SMOC2: variants seen among roughly 807,000 people sequenced by gnomAD.
The protein encoded by SMOC2 is SPARC related modular calcium binding 2.
SMOC2 carries 39 observed loss-of-function variants against 61.4 expected under a neutral mutation model. That is an observed-to-expected ratio of 0.64 (90% CI 0.49 to 0.83). The LOEUF (loss-of-function observed/expected upper bound fraction) is 0.83, where lower values mean the gene tolerates loss of function less well. Ranked by LOEUF, SMOC2 falls within the 40% of genes least tolerant of loss-of-function variation. The pLI, the probability that SMOC2 is intolerant of heterozygous loss-of-function variation, is 0.00. For missense variants in SMOC2, 556 were observed against 592.9 expected (o/e 0.94, Z 0.65); for synonymous variants, 247 against 239.9 (o/e 1.03, Z -0.27).
At chr6:168,658,089 G>T (rs9346474) in intron 11 of SMOC2, among the ~76,000 whole-genome samples, 14,596 of 152,202 alleles carry the variant, frequency 0.096, 1,116 homozygotes, top group East Asian at 0.42. Flanking sequence ...GGGAGGCCTG[G>T]GGGACTGATG....
chr6:168,483,135 T>G (rs1388034467), intron 1 of SMOC2, among the ~76,000 whole-genome samples: 1 of 151,962 alleles, frequency 6.6e-6, no homozygotes, highest in Non-Finnish European at 1.5e-5. Flanking sequence ...TATCTCTGTT[T>G]ACAGATGATA....
intron 4 of SMOC2, among the ~76,000 whole-genome samples, chr6:168,528,181 T>A (rs1297519784): frequency 2.0e-5 from 3 of 152,242 alleles, no homozygotes; most frequent in Non-Finnish European, 4.4e-5. Context: ...TTTATGTTAT[T>A]TTATTACTCG....
rs907641401 is a variant in SMOC2 at position 168,475,668 on chromosome 6, C to T, written c.84+34214C>T. Among the ~76,000 whole-genome samples, 11 of 152,112 alleles carry T rather than the reference C, an allele frequency of 7.2e-5. No individual in the cohort carries two copies. The highest frequency in any genetic ancestry group is 1.3e-4 in the Admixed American group (2 of 15,278). ...GACGAGAACTGAGACCTGCTTCCCACGCGTCTGTGGCCCAGGGAGGCCACG... is the reference window on the plus strand; with the variant it reads ...GACGAGAACTGAGACCTGCTTCCCATGCGTCTGTGGCCCAGGGAGGCCACG... On this transcript the variant is annotated intron_variant, in intron 1 of 12. Coordinates refer to ENST00000356284, the MANE Select transcript of SMOC2 (RefSeq NM_001166412.2). This position sits in a 1 kb window ranked among gnomAD's most constrained non-coding sequence, Gnocchi z 4.6.
chr6:168,626,069 T>G (rs1327966475), intron 9 of SMOC2, among the ~76,000 whole-genome samples: 1 of 152,220 alleles, frequency 6.6e-6, no homozygotes, highest in African/African-American at 2.4e-5. Flanking sequence ...CCTCAGTCAC[T>G]GGAGAAATTA....
rs142700770 is a variant in SMOC2 at position 168,559,147 on chromosome 6, C to T, written c.637+9944C>T. Among the ~76,000 whole-genome samples the T allele has an allele frequency of 3.3e-3, 509 of 152,212 alleles. 8 individuals are homozygous for T. Among genetic ancestry groups the T allele is most frequent in the African/African-American group, 0.012 (481 of 41,540 alleles). On this transcript the variant is annotated intron_variant, in intron 7 of 12. Coordinates refer to ENST00000356284, the MANE Select transcript of SMOC2 (RefSeq NM_001166412.2). ...AACTGAGTGAAATATCTCTTTTTGC[C>T]ATTCACACTTAAGAATAGTAATTTA...
At chr6:168,518,579 A>G (rs1360352801) in intron 2 of SMOC2, among the ~76,000 whole-genome samples, 1 of 142,166 alleles carries the variant, frequency 7.0e-6, no homozygotes, top group African/African-American at 2.7e-5. Context: ...GTGACAATGC[A>G]TGTATGTGTG....
At chr6:168,545,564 G>A (rs540982757) in intron 5 of SMOC2, among the ~76,000 whole-genome samples, 217 of 152,352 alleles carry the variant, frequency 1.4e-3, no homozygotes, top group Admixed American at 3.9e-3. Context: ...TATGATGACC[G>A]TGCTGAGGAG....
chr6:168,510,832 A>AGGT (rs1200007358), intron 2 of SMOC2, among the ~76,000 whole-genome samples: 1 of 152,202 alleles, frequency 6.6e-6, no homozygotes, highest in Non-Finnish European at 1.5e-5. Context: ...ATATAATACC[A>AGGT]GGTAAACAGA....
At chr6:168,600,407 C>CA (rs776962137) in intron 8 of SMOC2, among the ~76,000 whole-genome samples, 1,070 of 24,192 alleles carry the variant, frequency 0.044, 100 homozygotes, top group African/African-American at 0.12. Flanking sequence ...AACTCTGCCT[C>CA]AAAAAAAAAA....
chr6:168,575,811 G>C (rs1015029927), intron 7 of SMOC2, among the ~76,000 whole-genome samples: 1 of 152,164 alleles, frequency 6.6e-6, no homozygotes, highest in Admixed American at 6.5e-5. Flanking sequence ...AGACTGTCTC[G>C]GCTCTGCGGT....
intron 7 of SMOC2, among the ~76,000 whole-genome samples, chr6:168,557,117 G>A (rs1392843940): frequency 6.6e-6 from 1 of 151,918 alleles, no homozygotes; most frequent in African/African-American, 2.4e-5. Context: ...CATTCCCTAT[G>A]GGAAAACGAT....
chr6:168,474,233 G>GTTT, intron 1 of SMOC2, among the ~76,000 whole-genome samples: 1 of 152,226 alleles, frequency 6.6e-6, no homozygotes, highest in African/African-American at 2.4e-5. Flanking sequence ...TTTTATGGGG[G>GTTT]AGGCCAATAC....
At chr6:168,615,094 C>T (rs146217078) in intron 9 of SMOC2, among the ~76,000 whole-genome samples, 36 of 51,674 alleles carry the variant, frequency 7.0e-4, no homozygotes, top group South Asian at 2.1e-3. Flanking sequence ...AGGGCCTCTT[C>T]ACACCTACAG....
intron 7 of SMOC2, among the ~76,000 whole-genome samples, chr6:168,557,373 A>C (rs899778788): frequency 6.6e-6 from 1 of 152,244 alleles, no homozygotes; most frequent in African/African-American, 2.4e-5. Context: ...AATTTTCATA[A>C]TTATAAAAGC....
chr6:168,558,832 T>G (rs1317477604), intron 7 of SMOC2, among the ~76,000 whole-genome samples: 1 of 151,720 alleles, frequency 6.6e-6, no homozygotes, highest in Non-Finnish European at 1.5e-5. Context: ...TGTGCATGTG[T>G]GTGCACGTGT....
At chr6:168,533,928 T>C (rs1261659800) in intron 4 of SMOC2, among the ~76,000 whole-genome samples, 5 of 152,104 alleles carry the variant, frequency 3.3e-5, no homozygotes, top group Non-Finnish European at 5.9e-5. Context: ...CAATATCAAA[T>C]ATAAATCTGA....
chr6:168,442,360 G>A (rs1021920053), intron 1 of SMOC2, among the ~76,000 whole-genome samples: 3 of 152,242 alleles, frequency 2.0e-5, no homozygotes, highest in Admixed American at 6.5e-5. Flanking sequence ...GCTATGTAGA[G>A]GGGGCTGAGC....
At chr6:168,530,058 T>G (rs1301862616) in intron 4 of SMOC2, among the ~76,000 whole-genome samples, 1 of 152,178 alleles carries the variant, frequency 6.6e-6, no homozygotes, top group Non-Finnish European at 1.5e-5. Flanking sequence ...TTTTTTGCCC[T>G]CAAGTTAATA....
chr6:168,609,747 CT>C lies in SMOC2; in HGVS notation c.907+1510del, dbSNP rs778085309. On this transcript the variant is annotated intron_variant, in intron 9 of 12. Coordinates refer to ENST00000356284, the MANE Select transcript of SMOC2 (RefSeq NM_001166412.2). The stretch of plus-strand genomic sequence containing the variant: ...TTTCCTGGTTTTGGTTGGTCTTGAC[CT>C]TGTCACGTGCACTTCAATCTGTCTT... Among the ~76,000 whole-genome samples the C allele has an allele frequency of 6.8e-4, 104 of 152,318 alleles. 1 individual carries two copies. Among genetic ancestry groups the C allele is most frequent in the South Asian group, 3.7e-3 (18 of 4,822 alleles).
Sources: allele counts gnomAD v4.1 joint callset (sites outside exome capture counted in the v4.1 genomes callset), GRCh38; gene constraint gnomAD v4.1.1; non-coding constraint Gnocchi (gnomAD v3.1); transcripts MANE v1.5; gene names NCBI Gene and HGNC (gene_info 2026-07-23, HGNC 2026-07-21).